Variants in GOLGA4 observed in about 807,000 individuals in gnomAD.
GOLGA4 encodes the protein golgin subfamily A member 4.
A neutral mutation model predicts 265.9 loss-of-function variants in GOLGA4; 169 were observed. That is an observed-to-expected ratio of 0.64 (90% CI 0.56 to 0.72). The LOEUF (loss-of-function observed/expected upper bound fraction) is 0.72. GOLGA4 is among the 30% of genes least tolerant of loss of function. The pLI is 0.00. For synonymous variants in GOLGA4, 923 were observed against 855.8 expected (o/e 1.08, Z -1.37); for missense variants, 2,482 against 2,483.4 (o/e 1.00, Z 0.01).
Position 37,319,201 on chromosome 3 carries a change from G to T in GOLGA4, c.1545+7G>T. On this transcript the variant is annotated splice_region_variant and intron_variant, in intron 12 of 23. Coordinates refer to ENST00000361924, the MANE Select transcript of GOLGA4 (RefSeq NM_002078.5). ...ACAAATGAAAGTAGCTCTTGTAAGT[G>T]ACTATTTTTTTTTTTCTGCTATAGG... The T allele has an allele frequency of 6.3e-7, 1 of 1,592,424 alleles. No individual in the cohort carries two copies. Among genetic ancestry groups the T allele is most frequent in the South Asian group, 1.2e-5 (1 of 86,238 alleles).
At chr3:37,363,931 A>C (rs756659669) in intron 23 of GOLGA4, among the ~76,000 whole-genome samples, 1 of 152,208 alleles carries the variant, frequency 6.6e-6, no homozygotes, top group East Asian at 1.9e-4. Flanking sequence ...CCCACAACAG[A>C]TCAAGCTACG....
intron 11 of GOLGA4, among the ~76,000 whole-genome samples, chr3:37,318,478 G>A (rs2096944238): frequency 6.6e-6 from 1 of 152,000 alleles, no homozygotes; most frequent in Non-Finnish European, 1.5e-5. Context: ...CTGTTTGGTA[G>A]CTTCTTATTA....
rs1559399197 is a variant in GOLGA4 at position 37,299,360 on chromosome 3, GAACAAGATAAGGTAA to G, written c.1081_1086+9del. On this transcript the variant is annotated splice_donor_variant and splice_donor_region_variant and coding_sequence_variant and intron_variant, in exon 9 of 24. Coordinates refer to ENST00000361924, the MANE Select transcript of GOLGA4 (RefSeq NM_002078.5). LOFTEE classifies it high-confidence loss of function. ...TGCAAAGAACTTAATTGAACAGCTT[GAACAAGATAAGGTAA>G]AACAACAAAACCTATGATACTAAAA... The G allele has an allele frequency of 2.5e-6, 4 of 1,609,024 alleles. No homozygotes were observed. Among genetic ancestry groups the G allele is most frequent in the Non-Finnish European group, 3.4e-6 (4 of 1,175,728 alleles).
chr3:37,298,808 C>A, intron 7 of GOLGA4, 25 bp from the exon 8 acceptor site: 6 of 1,536,742 alleles, frequency 3.9e-6, no homozygotes, highest in Non-Finnish European at 5.3e-6. Flanking sequence ...ACTGATGGGC[C>A]CTTCTTATGT....
chr3:37,306,543 G>A (rs1018978067), intron 10 of GOLGA4, among the ~76,000 whole-genome samples: 1 of 144,034 alleles, frequency 6.9e-6, no homozygotes, highest in Non-Finnish European at 1.5e-5. Flanking sequence ...GTGTGTGTGT[G>A]TATCAGGATA....
At chr3:37,313,005 C>T (rs1247724637) in intron 10 of GOLGA4, among the ~76,000 whole-genome samples, 1 of 152,044 alleles carries the variant, frequency 6.6e-6, no homozygotes, top group Non-Finnish European at 1.5e-5. Flanking sequence ...GAGTTTGAGA[C>T]CAGCTTGGCC....
chr3:37,337,725 C>T lies in GOLGA4; in HGVS notation c.6387C>T (p.Phe2129=). The part of the protein sequence containing the change: ...ISDSKLKEQE[F]REQIHNLEDR... ...ATTCGAAATTGAAAGAGCAAGAGTTCAGAGAACAGGTACAGGCCTAATTGG... is the reference window on the plus strand; with the variant it reads ...ATTCGAAATTGAAAGAGCAAGAGTTTAGAGAACAGGTACAGGCCTAATTGG... Residue 2129 remains phenylalanine (F), a synonymous_variant, in exon 19 of 24, where the codon TTC becomes TTT. Coordinates refer to ENST00000361924, the MANE Select transcript of GOLGA4 (RefSeq NM_002078.5). 6.2e-7 allele frequency: 1 copy of T among 1,601,006 alleles called. No homozygotes were observed. Among genetic ancestry groups the T allele is most frequent in the Non-Finnish European group, 8.6e-7 (1 of 1,168,034 alleles).
In GOLGA4 at chr3:37,355,191, A is replaced by T; in HGVS notation, c.6663+4A>T. 6.8e-7 allele frequency: 1 copy of T among 1,476,108 alleles called. No homozygotes were observed. Among genetic ancestry groups the T allele is most frequent in the South Asian group, 1.1e-5 (1 of 88,206 alleles). 91.4% of individuals were successfully genotyped at this position (1,476,108 alleles called of 1,614,324 possible). A position where few individuals can be genotyped will look rare whatever the true frequency, so the allele number is the denominator to read the frequency against. ...AAGAGAAGATGCTCGGCTGATGGTAAGTTCTGGAAGTGGGCTCTAGATAGA... is the reference window on the plus strand; with the variant it reads ...AAGAGAAGATGCTCGGCTGATGGTATGTTCTGGAAGTGGGCTCTAGATAGA... On this transcript the variant is annotated splice_donor_region_variant and intron_variant, in intron 22 of 23. Transcript: ENST00000361924.
intron 10 of GOLGA4, among the ~76,000 whole-genome samples, chr3:37,308,005 G>A (rs547896161): frequency 1.6e-4 from 24 of 152,246 alleles, no homozygotes; most frequent in African/African-American, 4.6e-4. Flanking sequence ...AGACTGAGGC[G>A]GGTGGATTAC....
intron 10 of GOLGA4, 125 bp from the exon 11 acceptor site, chr3:37,315,295 A>T: frequency 5.1e-6 from 4 of 784,072 alleles, no homozygotes; most frequent in Non-Finnish European, 8.1e-6. Flanking sequence ...TTGGCTTAGA[A>T]CAGTGATGAG....
In GOLGA4 at chr3:37,327,484, G is replaced by A. The variant is rs2096975549; in HGVS notation, c.5598G>A (p.Gln1866=). ...IKELDSCLVR[Q]KEVHRVEMEE... Reference sequence around the variant, plus strand: ...AGCTGGATTCCTGCTTAGTAAGACAGAAAGAAGTACATAGAGTTGAAATGG... The same window carrying A: ...AGCTGGATTCCTGCTTAGTAAGACAAAAAGAAGTACATAGAGTTGAAATGG... The change falls in exon 14 of 24, where the codon CAG becomes CAA. Residue 1866 remains glutamine (Q), a synonymous_variant. Transcript: ENST00000361924. The A allele has an allele frequency of 6.2e-7, 1 of 1,613,300 alleles. No homozygotes were observed. Among genetic ancestry groups the A allele is most frequent in the South Asian group, 1.1e-5 (1 of 90,950 alleles).
chr3:37,340,534 T>C (rs531906143), intron 20 of GOLGA4, among the ~76,000 whole-genome samples: 1 of 152,292 alleles, frequency 6.6e-6, no homozygotes, highest in East Asian at 1.9e-4. Flanking sequence ...TTAACTGTAG[T>C]CAACCGTATT....
intron 10 of GOLGA4, among the ~76,000 whole-genome samples, 181 bp downstream of exon 10, chr3:37,302,513 G>A (rs1188502229): frequency 1.3e-5 from 2 of 152,264 alleles, no homozygotes; most frequent in Non-Finnish European, 2.9e-5. Context: ...CTGTGGGCCA[G>A]ATCCAGCCCA....
intron 2 of GOLGA4, among the ~76,000 whole-genome samples, chr3:37,278,310 A>T (rs984890210): frequency 1.3e-5 from 2 of 151,594 alleles, no homozygotes; most frequent in African/African-American, 4.9e-5. Flanking sequence ...AACGATTTTC[A>T]TGCCTCAGCC....
At chr3:37,353,186 T>C (rs987312287) in intron 21 of GOLGA4, among the ~76,000 whole-genome samples, 1 of 151,824 alleles carries the variant, frequency 6.6e-6, no homozygotes, top group Non-Finnish European at 1.5e-5. Context: ...GGTCACAGAG[T>C]ACAGTAACAG....
At chr3:37,294,049 C>G (rs2096871868) in intron 5 of GOLGA4, among the ~76,000 whole-genome samples, 1 of 152,208 alleles carries the variant, frequency 6.6e-6, no homozygotes, top group Non-Finnish European at 1.5e-5. Context: ...GGTCCGTCAT[C>G]TTCCAGAACA....
intron 2 of GOLGA4, among the ~76,000 whole-genome samples, chr3:37,263,020 G>A (rs182757108): frequency 2.1e-3 from 326 of 152,310 alleles, no homozygotes; most frequent in African/African-American, 7.5e-3. Flanking sequence ...CTCACTCACT[G>A]ACTCACCCAG....
rs1208435983 is a variant in GOLGA4, at chr3:37,326,310, A to T, written c.4424A>T (p.Tyr1475Phe). The change falls in exon 14 of 24, where the codon TAT (tyrosine) becomes TTT (phenylalanine). Residue 1475 changes from tyrosine (Y) to phenylalanine (F), a missense_variant. Transcript: ENST00000361924. ...CTTGAGTTAAAATCAAAGGAAGCTT[A>T]TGAAAAGGATGAGCAGATAAATTTA... ...IQLELKSKEA[Y>F]EKDEQINLLK... The T allele has an allele frequency of 6.2e-7, 1 of 1,611,964 alleles. No homozygotes were observed.
At chr3:37,289,461 TTTCTAAGA>T (rs1446412769) in intron 5 of GOLGA4, among the ~76,000 whole-genome samples, 170 bp downstream of exon 5, 1 of 152,230 alleles carries the variant, frequency 6.6e-6, no homozygotes, top group East Asian at 1.9e-4. Context: ...TTGTATGGTT[TTTCTAAGA>T]TACATTGTTG....
Sources: gnomAD v4.1 joint callset for allele counts (sites outside exome capture counted in the v4.1 genomes callset) on GRCh38, gnomAD v4.1.1 for gene constraint, MANE v1.5 for transcripts, NCBI Gene and HGNC (gene_info 2026-07-23, HGNC 2026-07-21) for gene names.